Variants in TRIM71 observed in about 807,000 individuals in gnomAD.
TRIM71 encodes the protein E3 ubiquitin-protein ligase TRIM71.
In TRIM71, 9 loss-of-function variants were observed where a neutral mutation model predicts 61.2. The ratio of observed to expected loss-of-function variants is 0.15; its 90% CI spans 0.09 to 0.26. The LOEUF (loss-of-function observed/expected upper bound fraction) is 0.26, where lower values mean the gene tolerates loss of function less well. Among genes scored for constraint, TRIM71 ranks in the 10% least tolerant of loss-of-function variants. The pLI is 1.00. For synonymous variants in TRIM71, 645 were observed against 553.2 expected (o/e 1.17, Z -2.33); for missense variants, 998 against 1,238.7 (o/e 0.81, Z 2.92).
intron 2 of TRIM71, among the ~76,000 whole-genome samples, chr3:32,883,817 C>G (rs1038996723): frequency 2.0e-5 from 3 of 152,198 alleles, no homozygotes; most frequent in African/African-American, 7.2e-5. Context: ...GTATCATGGG[C>G]TTTGTACTTA....
At chr3:32,828,783 G>A (rs937628292) in intron 1 of TRIM71, among the ~76,000 whole-genome samples, 2 of 152,104 alleles carry the variant, frequency 1.3e-5, no homozygotes, top group Non-Finnish European at 2.9e-5. Flanking sequence ...ACAGGCGTGA[G>A]CCACCTCATC....
chr3:32,830,732 G>A (rs1278631063), intron 1 of TRIM71, among the ~76,000 whole-genome samples: 2 of 152,164 alleles, frequency 1.3e-5, no homozygotes, highest in Non-Finnish European at 2.9e-5. Flanking sequence ...CCCAAAGTCT[G>A]CCTTCATTCC....
intron 1 of TRIM71, among the ~76,000 whole-genome samples, chr3:32,823,858 G>T (rs550647519): frequency 7.2e-5 from 11 of 152,192 alleles, no homozygotes; most frequent in South Asian, 4.1e-4. Context: ...CGGATCACGA[G>T]GTCAAGAGAT....
rs2125694964 is a variant in TRIM71, at chr3:32,896,481, G to A, written c.*4670G>A. On this transcript the variant is annotated 3_prime_UTR_variant, in exon 4 of 4. Transcript: ENST00000383763. ...TGTTTATTAAATACTTGATAAAGTT[G>A]AGAAGCACATTACCAGGATATACTG... The A allele has an allele frequency of 6.6e-6, 1 of 151,746 alleles. No homozygotes were observed. The highest frequency in any genetic ancestry group is 2.4e-5 in the African/African-American group (1 of 41,352). The allele number at this position is 151,746 out of a possible 1,614,324, so 9.4% of individuals were successfully genotyped here.
intron 1 of TRIM71, among the ~76,000 whole-genome samples, chr3:32,844,498 G>A (rs1346971139): frequency 6.6e-6 from 1 of 152,146 alleles, no homozygotes; most frequent in Non-Finnish European, 1.5e-5. Context: ...CCAGACTCAA[G>A]CAATCCTTCT....
intron 2 of TRIM71, among the ~76,000 whole-genome samples, chr3:32,874,373 A>T (rs918720823): frequency 1.3e-5 from 2 of 150,496 alleles, no homozygotes; most frequent in Admixed American, 1.3e-4. Flanking sequence ...CTACTACAAC[A>T]TATTTTTTGA....
intron 1 of TRIM71, among the ~76,000 whole-genome samples, chr3:32,867,931 T>TTC (rs1696756810): frequency 6.6e-6 from 1 of 152,046 alleles, no homozygotes; most frequent in Non-Finnish European, 1.5e-5. Context: ...TGTGTGTGTT[T>TTC]TAATTCCTAA....
chr3:32,858,647 G>A (rs547491358), intron 1 of TRIM71, among the ~76,000 whole-genome samples: 3 of 152,298 alleles, frequency 2.0e-5, no homozygotes, highest in Admixed American at 6.5e-5. Flanking sequence ...GATGAGTATT[G>A]TGGAAAGACT....
chr3:32,888,201 G>C (rs1329213018), intron 3 of TRIM71, among the ~76,000 whole-genome samples: 1 of 152,074 alleles, frequency 6.6e-6, no homozygotes, highest in Non-Finnish European at 1.5e-5. Context: ...GGCTCTTTTG[G>C]AAATAATACA....
intron 2 of TRIM71, among the ~76,000 whole-genome samples, chr3:32,881,690 A>G (rs1009974367): frequency 2.6e-5 from 4 of 152,164 alleles, no homozygotes; most frequent in Admixed American, 2.0e-4. Context: ...TGTGAAATGT[A>G]TATATCTGTT....
In TRIM71 at chr3:32,891,849, C is replaced by CGT. The variant is rs1697029188; in HGVS notation, c.*41_*42dup. 6 of 1,563,692 alleles carry CGT rather than the reference C, an allele frequency of 3.8e-6. No homozygotes were observed. The highest frequency in any genetic ancestry group is 5.2e-6 in the Non-Finnish European group (6 of 1,156,130). On this transcript the variant is annotated 3_prime_UTR_variant, in exon 4 of 4. Transcript: ENST00000383763. This position sits in a 1 kb window ranked among gnomAD's most constrained non-coding sequence, Gnocchi z 8.2. The stretch of plus-strand genomic sequence containing the variant: ...GGTTTCTGTGTTTGGGGTGTGTGTG[C>CGT]GTGTCTCTCTCTCTCTCTCTCTCTT...
chr3:32,861,719 A>T (rs1444859434), intron 1 of TRIM71, among the ~76,000 whole-genome samples: 1 of 152,188 alleles, frequency 6.6e-6, no homozygotes, highest in Non-Finnish European at 1.5e-5. Flanking sequence ...GTCGGGGGGA[A>T]GATGAGGTAC....
chr3:32,874,321 TTATTACTACTACTACTAC>T (rs1189217958), intron 2 of TRIM71, among the ~76,000 whole-genome samples: 5 of 119,216 alleles, frequency 4.2e-5, no homozygotes, highest in African/African-American at 1.7e-4. Context: ...TGCTTAATGC[TTATTACTACTACTACTAC>T]TACTACTACT....
Position 32,827,268 on chromosome 3 carries a change from C to CTTTTTTTT in TRIM71, c.852+8343_852+8350dup, listed in dbSNP as rs369755706. Among the ~76,000 whole-genome samples the CTTTTTTTT allele has an allele frequency of 4.8e-3, 619 of 129,656 alleles. 10 individuals are homozygous for CTTTTTTTT. The highest frequency in any genetic ancestry group is 8.0e-3 in the Non-Finnish European group (482 of 59,910). 85.1% of individuals were successfully genotyped at this position (129,656 alleles called of 152,430 possible). On this transcript the variant is annotated intron_variant, in intron 1 of 3. Transcript: ENST00000383763. ...TGTCATGAAGGGTAGGGGGATAATT[C>CTTTTTTTT]TTTTTTTTTTTTTTGGGTGGAGTCT...
intron 1 of TRIM71, among the ~76,000 whole-genome samples, chr3:32,865,535 C>G (rs1696723495): frequency 6.6e-6 from 1 of 152,162 alleles, no homozygotes; most frequent in Non-Finnish European, 1.5e-5. Flanking sequence ...AAGGCGTTTG[C>G]TGTGCTGCCC....
chr3:32,828,104 T>A (rs748124389), intron 1 of TRIM71, among the ~76,000 whole-genome samples: 2 of 152,148 alleles, frequency 1.3e-5, no homozygotes, highest in African/African-American at 2.4e-5. Context: ...ATTATTACCA[T>A]GTATTGGACA....
At chr3:32,870,724 A>C (rs879539144) in intron 1 of TRIM71, among the ~76,000 whole-genome samples, 3 of 152,218 alleles carry the variant, frequency 2.0e-5, no homozygotes, top group Non-Finnish European at 4.4e-5. Context: ...AGGTTGATCT[A>C]AACCTAAGAA....
In TRIM71 at chr3:32,890,614, T is replaced by G; in HGVS notation, c.1410T>G (p.Leu470=). Residue 470 remains leucine, a synonymous_variant, in exon 4 of 4, where the codon CTT becomes CTG. Transcript: ENST00000383763. The surrounding 1 kb of genome is among the most constrained non-coding windows in gnomAD (Gnocchi z 6.2). ...CACCCCCCGATCAGGCACTGTACCTTGCCATCAAGTCTTTTGGCTTTGTTA... is the reference window on the plus strand; with the variant it reads ...CACCCCCCGATCAGGCACTGTACCTGGCCATCAAGTCTTTTGGCTTTGTTA... ...MFTPPDQALY[L]AIKSFGFVSS... 1 of 1,613,976 alleles carries G rather than the reference T, an allele frequency of 6.2e-7. No individual in the cohort carries two copies. The highest frequency in any genetic ancestry group is 1.1e-5 in the South Asian group (1 of 91,082).
chr3:32,844,033 A>G (rs764132123), intron 1 of TRIM71, among the ~76,000 whole-genome samples: 58 of 152,216 alleles, frequency 3.8e-4, no homozygotes, highest in Middle Eastern at 3.2e-3. Context: ...ATGAGAGCCG[A>G]AGTATTTTAC....
Sources: allele counts gnomAD v4.1 joint callset (sites outside exome capture counted in the v4.1 genomes callset), GRCh38; gene constraint gnomAD v4.1.1; non-coding constraint Gnocchi (gnomAD v3.1); transcripts MANE v1.5; gene names NCBI Gene and HGNC (gene_info 2026-07-23, HGNC 2026-07-21).